Variants in ZNF384 observed in about 807,000 individuals in gnomAD.
ZNF384 encodes the protein zinc finger protein 384.
In ZNF384, 20 loss-of-function variants were observed where a neutral mutation model predicts 65.0. That is an observed-to-expected ratio of 0.31 (90% CI 0.22 to 0.45). The LOEUF is 0.45. Among genes scored for constraint, ZNF384 ranks in the 20% least tolerant of loss-of-function variants. The probability of loss-of-function intolerance (pLI) is 1.00; values close to 1 mark genes in which losing one functional copy is unlikely to be tolerated. For synonymous variants in ZNF384, 310 were observed against 303.9 expected (o/e 1.02, Z -0.21); for missense variants, 549 against 769.4 (o/e 0.71, Z 3.39).
At position 6,667,173 on chromosome 12, in the gene ZNF384, A is replaced by G; in HGVS notation, c.*541T>C. On this transcript the variant is annotated 3_prime_UTR_variant, in exon 12 of 12. Transcript: ENST00000683879. ...TAGCCCCTACCCCAAATCTCCTTCTACCAGCAGTCAATAGGAAGCAAAGTG... is the reference window on the plus strand; with the variant it reads ...TAGCCCCTACCCCAAATCTCCTTCTGCCAGCAGTCAATAGGAAGCAAAGTG... 1 of 264,618 alleles carries G rather than the reference A, an allele frequency of 3.8e-6. No individual in the cohort carries two copies. Among genetic ancestry groups the G allele is most frequent in the South Asian group, 9.7e-5 (1 of 10,342 alleles). 16.4% of individuals were successfully genotyped at this position (264,618 alleles called of 1,614,324 possible). A position where few individuals can be genotyped will look rare whatever the true frequency, so the allele number is the denominator to read the frequency against.
rs566279027 is a variant in ZNF384 at position 6,673,971 on chromosome 12, G to A, written c.780-531C>T. 6.6e-6 allele frequency among the ~76,000 whole-genome samples: 1 copy of A among 152,222 alleles called. No homozygotes were observed. The highest frequency in any genetic ancestry group is 1.5e-5 in the Non-Finnish European group (1 of 68,010). On this transcript the variant is annotated intron_variant, in intron 7 of 11. Transcript: ENST00000683879. The surrounding 1 kb of genome is among the most constrained non-coding windows in gnomAD (Gnocchi z 4.7). ...CGATTCCTAGAGGGATGGGGGTGAG[G>A]AAGTATCAGAATTATTTGGAGGGGC...
intron 2 of ZNF384, among the ~76,000 whole-genome samples, chr12:6,683,299 T>C (rs539898579): frequency 6.9e-6 from 1 of 145,478 alleles, no homozygotes; most frequent in African/African-American, 2.5e-5. Context: ...AAAAAAAAAA[T>C]AAAATAAAAT....
At chr12:6,670,972 TC>T in intron 9 of ZNF384, 134 bp from the exon 10 acceptor site, 1 of 689,488 alleles carries the variant, frequency 1.5e-6, no homozygotes, top group East Asian at 2.6e-5. Context: ...GCACCAGCCT[TC>T]CTCTCTGATG....
chr12:6,687,443 C>G (rs1350448912), intron 2 of ZNF384, among the ~76,000 whole-genome samples: 5 of 152,104 alleles, frequency 3.3e-5, no homozygotes, highest in Admixed American at 6.6e-5. Flanking sequence ...GAGATATGTA[C>G]CCAATATTTA....
In ZNF384 at chr12:6,667,987, CTGAGCCTGAGCCTGGGCTTGAGCT is replaced by C. The variant is rs755405093; in HGVS notation, c.1530_1553del (p.Gln520_Ala527del). 16 of 1,612,314 alleles carry C rather than the reference CTGAGCCTGAGCCTGGGCTTGAGCT, an allele frequency of 9.9e-6. No homozygotes were observed. The highest frequency in any genetic ancestry group is 3.3e-4 in the Middle Eastern group (2 of 6,076). On this transcript the variant is annotated inframe_deletion, in exon 12 of 12. Transcript: ENST00000683879. ...CCTGGGCCTGGGCCTGGGCTTGAGC[CTGAGCCTGAGCCTGGGCTTGAGCT>C]TGAGCCTGGGCCTGGGCCACTGCTG...
intron 9 of ZNF384, chr12:6,671,977 A>G (rs1951679416): frequency 5.1e-6 from 1 of 197,618 alleles, no homozygotes; most frequent in African/African-American, 2.3e-5. Flanking sequence ...GGCTAGAGGT[A>G]TGGTCTTCTC....
chr12:6,673,341 G>A lies in ZNF384; in HGVS notation c.879C>T (p.Ser293=). Reference sequence around the variant, plus strand: ...GGTAGGAGCTGTTGGCGAAGGTCTTGGAGCAATGTGGGCACTTGTGGGGCT... The same window carrying A: ...GGTAGGAGCTGTTGGCGAAGGTCTTAGAGCAATGTGGGCACTTGTGGGGCT... ...ETKPHKCPHC[S]KTFANSSYLA... Residue 293 remains serine, a synonymous_variant, in exon 8 of 12, where the codon TCC becomes TCT. Transcript: ENST00000683879. This position sits in a 1 kb window ranked among gnomAD's most constrained non-coding sequence, Gnocchi z 4.7. 6.2e-7 allele frequency: 1 copy of A among 1,614,022 alleles called. No individual in the cohort carries two copies. The highest frequency in any genetic ancestry group is 8.5e-7 in the Non-Finnish European group (1 of 1,179,996).
intron 2 of ZNF384, among the ~76,000 whole-genome samples, chr12:6,680,101 C>G (rs993720359): frequency 6.6e-6 from 1 of 152,256 alleles, no homozygotes; most frequent in African/African-American, 2.4e-5. Flanking sequence ...GCTAGGCCTA[C>G]AGGCCGTGTG....
rs752287670 is a variant in ZNF384, at chr12:6,672,623, C to T, written c.1005-91G>A. On this transcript the variant is annotated intron_variant, in intron 8 of 11. Coordinates refer to ENST00000683879, the MANE Select transcript of ZNF384 (RefSeq NM_001385745.1). This position sits in a 1 kb window ranked among gnomAD's most constrained non-coding sequence, Gnocchi z 4.4. ...TGCTGGGTGAAATGACGTTGCTTGA[C>T]GGATGAGAGCACCCCCTTCCTCCCT... 5.8e-5 allele frequency: 75 copies of T among 1,287,106 alleles called. No individual in the cohort carries two copies. The East Asian group carries it at 6.0e-4, about 10-fold the overall frequency. 79.7% of individuals were successfully genotyped at this position (1,287,106 alleles called of 1,614,324 possible). A position where few individuals can be genotyped will look rare whatever the true frequency, so the allele number is the denominator to read the frequency against.
intron 2 of ZNF384, among the ~76,000 whole-genome samples, chr12:6,685,498 C>T (rs941099093): frequency 3.9e-5 from 6 of 151,956 alleles, no homozygotes; most frequent in Non-Finnish European, 8.8e-5. Flanking sequence ...TACTGCTGGG[C>T]GAGGTGGCTC....
rs1950209916 is a variant in ZNF384 at position 6,668,031 on chromosome 12, C to A, written c.1510G>T (p.Val504Leu). 4 of 1,613,322 alleles carry A rather than the reference C, an allele frequency of 2.5e-6. No individual in the cohort carries two copies. The highest frequency in any genetic ancestry group is 2.5e-6 in the Non-Finnish European group (3 of 1,179,516). ...QVQAAAAAAA[V>L]AQAQAQAQAQ... Reference sequence around the variant, plus strand: ...TGAGCTTGAGCCTGGGCCTGGGCCACTGCTGCCGCTGCTGCTGCTGCCTGC... The same window carrying A: ...TGAGCTTGAGCCTGGGCCTGGGCCAATGCTGCCGCTGCTGCTGCTGCCTGC... The change falls in exon 12 of 12, where the codon GTG becomes TTG. Residue 504 changes from valine (V) to leucine (L), a missense_variant. This residue lies in a region of ZNF384 where 136 missense variants were observed against 183.0 expected (regional missense o/e 0.74). Transcript: ENST00000683879.
At chr12:6,685,776 C>CAAAAAAAAAAAAAAA (rs778337408) in intron 2 of ZNF384, among the ~76,000 whole-genome samples, 1 of 43,232 alleles carries the variant, frequency 2.3e-5, no homozygotes, top group Non-Finnish European at 4.7e-5. Flanking sequence ...GACTCAGTCT[C>CAAAAAAAAAAAAAAA]AAAAAAAAAA....
intron 3 of ZNF384, 21 bp downstream of exon 3, chr12:6,679,434 C>A: frequency 6.2e-7 from 1 of 1,611,526 alleles, no homozygotes; most frequent in South Asian, 1.1e-5. Context: ...TTGGAGAGAG[C>A]AAGAAAGCAA....
At chr12:6,677,736 A>G (rs1954219196) in intron 6 of ZNF384, among the ~76,000 whole-genome samples, 3 of 152,154 alleles carry the variant, frequency 2.0e-5, no homozygotes, top group Non-Finnish European at 2.9e-5. Context: ...TGGATGGCAC[A>G]TAGGTTAGGT....
chr12:6,679,531 G>GA lies in ZNF384; in HGVS notation c.-5-7dup, dbSNP rs1289821174. On this transcript the variant is annotated splice_region_variant and splice_polypyrimidine_tract_variant and intron_variant, in intron 2 of 11. Transcript: ENST00000683879. ...GTGAGATTCTTCCATTCTACCTGAA[G>GA]AAAAAATGAGAGAACATGTCACACT... 2.4e-5 allele frequency: 39 copies of GA among 1,609,054 alleles called. No homozygotes were observed. The highest frequency in any genetic ancestry group is 3.2e-5 in the Non-Finnish European group (38 of 1,175,992).
In ZNF384 at chr12:6,667,241, T is replaced by G; in HGVS notation, c.*473A>C. 1 of 302,538 alleles carries G rather than the reference T, an allele frequency of 3.3e-6. No individual in the cohort carries two copies. The highest frequency in any genetic ancestry group is 6.3e-6 in the Non-Finnish European group (1 of 158,448). The allele number at this position is 302,538 out of a possible 1,614,324, so 18.7% of individuals were successfully genotyped here. A position where few individuals can be genotyped will look rare whatever the true frequency, so the allele number is the denominator to read the frequency against. On this transcript the variant is annotated 3_prime_UTR_variant, in exon 12 of 12. Transcript: ENST00000683879. ...AAATGGCTCTCAGGGACTGAGGCAT[T>G]TGAGAAACCTCTGTTCTTTTGCAGG...
chr12:6,685,977 G>A (rs1290917147), intron 2 of ZNF384, among the ~76,000 whole-genome samples: 1 of 152,070 alleles, frequency 6.6e-6, no homozygotes, highest in African/African-American at 2.4e-5. Context: ...TCTTGGCCCA[G>A]AGCTTTGTCT....
In ZNF384 at chr12:6,678,460, C is replaced by A. The variant is rs1592393486; in HGVS notation, c.353G>T (p.Gly118Val). The A allele has an allele frequency of 1.9e-6, 3 of 1,576,788 alleles. No homozygotes were observed. The highest frequency in any genetic ancestry group is 2.3e-5 in the East Asian group (1 of 43,364). The change falls in exon 6 of 12, where the codon GGT (glycine) becomes GTT (valine). Residue 118 changes from glycine (G) to valine (V), a missense_variant and splice_region_variant. By Grantham distance (109) the Gly-to-Val change is moderately radical. Coordinates refer to ENST00000683879, the MANE Select transcript of ZNF384 (RefSeq NM_001385745.1). The surrounding 1 kb of genome is among the most constrained non-coding windows in gnomAD (Gnocchi z 4.9). Reference sequence around the variant, plus strand: ...GGGGGACGTGATTACCAAACCCGGACCTAGGATTGGGAGAAAAAGGAGATG... The same window carrying A: ...GGGGGACGTGATTACCAAACCCGGAACTAGGATTGGGAGAAAAAGGAGATG... The part of the protein sequence containing the change: ...RWRREGSQSR[G>V]PGLVITSPSG...
intron 7 of ZNF384, among the ~76,000 whole-genome samples, chr12:6,674,762 A>C (rs1278726839): frequency 6.6e-6 from 1 of 152,198 alleles, no homozygotes; most frequent in Admixed American, 6.5e-5. Flanking sequence ...TGTAAAATGG[A>C]AAGATAAATT....
Sources: allele counts gnomAD v4.1 joint callset (sites outside exome capture counted in the v4.1 genomes callset), GRCh38; gene constraint gnomAD v4.1.1; regional missense constraint gnomAD v4.1.1; non-coding constraint Gnocchi (gnomAD v3.1); transcripts MANE v1.5; gene names NCBI Gene and HGNC (gene_info 2026-07-23, HGNC 2026-07-21).